CDH18: variants seen among roughly 807,000 people sequenced by gnomAD.
The protein encoded by CDH18 is cadherin-18.
In CDH18, 31 loss-of-function variants were observed where a neutral mutation model predicts 67.9. That is an observed-to-expected ratio of 0.46 (90% CI 0.34 to 0.62). The LOEUF (loss-of-function observed/expected upper bound fraction) is 0.62. CDH18 is among the 20% of genes least tolerant of loss of function. CDH18 has a pLI of 0.01. For synonymous variants in CDH18, 362 were observed against 347.2 expected, an observed-to-expected ratio of 1.04 and a Z score of -0.48; for missense variants, 890 against 975.5, an observed-to-expected ratio of 0.91 and a Z score of 1.17.
At chr5:20,069,147 A>T (rs1473363193) in intron 2 of CDH18, among the ~76,000 whole-genome samples, 3 of 151,996 alleles carry the variant, frequency 2.0e-5, no homozygotes, top group African/African-American at 7.2e-5. Flanking sequence ...TTGTCATTCA[A>T]AAACAAGGAA....
chr5:19,779,928 T>A (rs1455790624), intron 3 of CDH18, among the ~76,000 whole-genome samples: 1 of 152,146 alleles, frequency 6.6e-6, no homozygotes, highest in Non-Finnish European at 1.5e-5. Flanking sequence ...TTTATATGAA[T>A]AATATATGAA....
chr5:20,463,352 G>A (rs1751406241), intron 1 of CDH18, among the ~76,000 whole-genome samples: 1 of 151,874 alleles, frequency 6.6e-6, no homozygotes. Flanking sequence ...TTGTCAGTAT[G>A]TTCAAAGTAT....
chr5:20,144,890 G>A (rs1166501384), intron 2 of CDH18, among the ~76,000 whole-genome samples: 1 of 152,094 alleles, frequency 6.6e-6, no homozygotes, highest in Non-Finnish European at 1.5e-5. Context: ...AGAGCATCAT[G>A]TGAACTAAAA....
intron 1 of CDH18, among the ~76,000 whole-genome samples, chr5:20,427,288 T>G (rs1241835741): frequency 6.6e-6 from 1 of 151,114 alleles, no homozygotes; most frequent in East Asian, 1.9e-4. Context: ...AATTATACAG[T>G]AGAGAAAATG....
At chr5:19,920,312 T>G (rs1328222209) in intron 2 of CDH18, among the ~76,000 whole-genome samples, 1 of 152,152 alleles carries the variant, frequency 6.6e-6, no homozygotes, top group Admixed American at 6.6e-5. Context: ...AAACAGATGT[T>G]AATTCATTGG....
At chr5:20,283,044 C>T (rs1020392685) in intron 1 of CDH18, among the ~76,000 whole-genome samples, 4 of 152,028 alleles carry the variant, frequency 2.6e-5, no homozygotes, top group African/African-American at 9.7e-5. Context: ...ATAGATAGTG[C>T]CAGGAATACT....
intron 2 of CDH18, among the ~76,000 whole-genome samples, chr5:19,931,493 C>A (rs1432247532): frequency 5.3e-5 from 8 of 151,838 alleles, no homozygotes; most frequent in African/African-American, 1.9e-4. Flanking sequence ...ATTGCTGTTA[C>A]TACCTAATAA....
At chr5:19,888,700 T>C (rs1317686354) in intron 2 of CDH18, among the ~76,000 whole-genome samples, 7 of 152,138 alleles carry the variant, frequency 4.6e-5, no homozygotes, top group African/African-American at 1.7e-4. Flanking sequence ...CTCCTTTAAA[T>C]ATCACATTTA....
intron 5 of CDH18, among the ~76,000 whole-genome samples, chr5:19,706,401 T>C (rs898849027): frequency 1.3e-5 from 2 of 152,218 alleles, no homozygotes; most frequent in Admixed American, 1.3e-4. Flanking sequence ...CAGCATTACC[T>C]GGAAAAAAGC....
intron 2 of CDH18, among the ~76,000 whole-genome samples, chr5:20,061,363 CT>C (rs1191741487): frequency 6.6e-6 from 1 of 151,876 alleles, no homozygotes. Context: ...AGTATAATTC[CT>C]TTCAACTTAA....
chr5:19,712,299 A>C (rs971439190), intron 5 of CDH18, among the ~76,000 whole-genome samples: 4 of 152,064 alleles, frequency 2.6e-5, no homozygotes, highest in Admixed American at 1.3e-4. Flanking sequence ...TTATAGAAAT[A>C]AAAGAAAATA....
intron 2 of CDH18, among the ~76,000 whole-genome samples, chr5:19,921,161 A>G (rs751541382): frequency 7.9e-5 from 12 of 152,168 alleles, no homozygotes; most frequent in Non-Finnish European, 1.3e-4. Flanking sequence ...TCAGAAAAAA[A>G]TTGTAATTAT....
At chr5:19,758,101 T>C (rs1771850595) in intron 3 of CDH18, among the ~76,000 whole-genome samples, 1 of 152,156 alleles carries the variant, frequency 6.6e-6, no homozygotes, top group Non-Finnish European at 1.5e-5. Flanking sequence ...TTTGAGCCAC[T>C]TTCTCATGTA....
intron 1 of CDH18, among the ~76,000 whole-genome samples, chr5:20,440,054 T>C (rs950446860): frequency 1.3e-5 from 2 of 151,844 alleles, no homozygotes; most frequent in African/African-American, 4.9e-5. Flanking sequence ...ATTAATAAAT[T>C]TGTGAATACA....
At chr5:19,622,417 A>G (rs529832754) in intron 5 of CDH18, among the ~76,000 whole-genome samples, 5 of 152,330 alleles carry the variant, frequency 3.3e-5, no homozygotes, top group African/African-American at 1.2e-4. Flanking sequence ...GCTACCATTT[A>G]GAGAAAATGA....
intron 1 of CDH18, among the ~76,000 whole-genome samples, chr5:20,416,326 C>G (rs918118817): frequency 4.6e-5 from 7 of 152,044 alleles, no homozygotes; most frequent in East Asian, 3.9e-4. Flanking sequence ...TCAGTCTGTT[C>G]TATTAATAGA....
intron 2 of CDH18, among the ~76,000 whole-genome samples, chr5:20,148,508 T>C (rs1363291297): frequency 6.6e-6 from 1 of 152,042 alleles, no homozygotes; most frequent in Non-Finnish European, 1.5e-5. Context: ...AGACTTAGAG[T>C]TGCTGGGACC....
chr5:20,031,423 G>T (rs1454786684), intron 2 of CDH18, among the ~76,000 whole-genome samples: 2 of 152,148 alleles, frequency 1.3e-5, no homozygotes, highest in East Asian at 3.9e-4. Context: ...AAAGTGGCAG[G>T]TAACAAAGGC....
chr5:19,743,794 G>A (rs1211812130), intron 4 of CDH18, among the ~76,000 whole-genome samples: 5 of 151,780 alleles, frequency 3.3e-5, no homozygotes, highest in Non-Finnish European at 7.4e-5. Flanking sequence ...GGAGGCACAC[G>A]CCTGTAATCC....
Sources: allele counts gnomAD v4.1 joint callset (sites outside exome capture counted in the v4.1 genomes callset), GRCh38; gene constraint gnomAD v4.1.1; transcripts MANE v1.5; gene names NCBI Gene and HGNC (gene_info 2026-07-23, HGNC 2026-07-21).